The following DCLK1 variants were observed in gnomAD, a reference collection of about 807,000 sequenced individuals.
The protein encoded by DCLK1 is doublecortin like kinase 1.
Under a neutral mutation model 86.2 loss-of-function variants are expected in DCLK1, and 16 were observed. The ratio of observed to expected loss-of-function variants is 0.19; its 90% CI spans 0.13 to 0.28. The LOEUF (loss-of-function observed/expected upper bound fraction) is 0.28. Ranked by LOEUF, DCLK1 falls within the 10% of genes least tolerant of loss-of-function variation. The pLI, the probability that DCLK1 is intolerant of heterozygous loss-of-function variation, is 1.00. For synonymous variants in DCLK1, 369 were observed against 370.5 expected (o/e 1.00, Z 0.05); for missense variants, 590 against 940.2 (o/e 0.63, Z 4.87).
intron 6 of DCLK1, among the ~76,000 whole-genome samples, chr13:35,845,441 A>T (rs1374758205): frequency 6.6e-6 from 1 of 152,232 alleles, no homozygotes; most frequent in Non-Finnish European, 1.5e-5. Context: ...TAAAAGAAAT[A>T]GCTTGTATAA....
intron 3 of DCLK1, among the ~76,000 whole-genome samples, chr13:36,056,166 C>T (rs1293278949): frequency 8.0e-6 from 1 of 125,516 alleles, no homozygotes; most frequent in Non-Finnish European, 1.7e-5. Flanking sequence ...CACATGCACA[C>T]GTATGTTTAT....
chr13:35,872,922 C>A (rs898422378), intron 4 of DCLK1, among the ~76,000 whole-genome samples: 2 of 152,100 alleles, frequency 1.3e-5, no homozygotes, highest in Non-Finnish European at 2.9e-5. Flanking sequence ...ATATTATAAT[C>A]ATCTTTCTTG....
chr13:35,889,773 T>G (rs1873524826), intron 4 of DCLK1, among the ~76,000 whole-genome samples: 1 of 152,124 alleles, frequency 6.6e-6, no homozygotes, highest in Non-Finnish European at 1.5e-5. Flanking sequence ...GATTACTGCT[T>G]TCTCCCAAAT....
In DCLK1 at chr13:35,818,055, G is replaced by A. The variant is rs149307347; in HGVS notation, c.1554+4674C>T. On this transcript the variant is annotated intron_variant, in intron 11 of 16. Transcript: ENST00000360631. ...AATTCATCTTCATTTGAAGTCACTG[G>A]TAATGATGAATAGGGCAGGATTGGG... is the stretch of plus-strand genomic sequence containing the variant. Among the ~76,000 whole-genome samples, 829 of 152,252 alleles carry A rather than the reference G, an allele frequency of 5.4e-3. 3 individuals carry two copies. Among genetic ancestry groups the A allele is most frequent in the Middle Eastern group, 0.01 (3 of 294 alleles).
chr13:35,813,500 T>C (rs2087195410), intron 11 of DCLK1, among the ~76,000 whole-genome samples: 1 of 152,088 alleles, frequency 6.6e-6, no homozygotes, highest in East Asian at 1.9e-4. Flanking sequence ...CATAGACCAA[T>C]TATATTTAAT....
At chr13:35,850,768 G>T in intron 6 of DCLK1, 1 of 1,597,026 alleles carries the variant, frequency 6.3e-7, no homozygotes, top group Non-Finnish European at 8.5e-7. Flanking sequence ...AGAGGGGGCG[G>T]TACAGGTCCT....
In DCLK1 at chr13:35,784,153, A is replaced by G. The variant is rs778352810; in HGVS notation, c.2058+9213T>C. On this transcript the variant is annotated intron_variant, in intron 16 of 16. Coordinates refer to ENST00000360631, the MANE Select transcript of DCLK1 (RefSeq NM_001330071.2). ...GTTTACTTTTAAGTCAAAATGAGGGAAAGAGATTCTGAGGCAAGGGCAGAA... is the reference window on the plus strand; with the variant it reads ...GTTTACTTTTAAGTCAAAATGAGGGGAAGAGATTCTGAGGCAAGGGCAGAA... Among the ~76,000 whole-genome samples, 259 of 152,308 alleles carry G rather than the reference A, an allele frequency of 1.7e-3. 3 individuals carry two copies. The highest frequency in any genetic ancestry group is 1.2e-3 in the Non-Finnish European group (81 of 68,020).
intron 3 of DCLK1, among the ~76,000 whole-genome samples, chr13:36,075,040 G>GA (rs1162803502): frequency 1.3e-5 from 2 of 152,176 alleles, no homozygotes; most frequent in African/African-American, 2.4e-5. Context: ...TTTAAGGGGG[G>GA]AAAAACCCAA....
chr13:35,780,566 G>C lies in DCLK1; in HGVS notation c.2059-5867C>G, dbSNP rs929930014. On this transcript the variant is annotated intron_variant, in intron 16 of 16. Transcript: ENST00000360631. ...ATATGTGCACAATAGTGACTGCCAT[G>C]CTGGGTACTGGGTGAGAGCTGAGTA... Among the ~76,000 whole-genome samples the C allele has an allele frequency of 7.2e-5, 11 of 152,330 alleles. No homozygotes were observed. In the South Asian group the frequency reaches 2.1e-3, roughly 29 times the overall value.
At chr13:36,065,321 A>C (rs1883708561) in intron 3 of DCLK1, among the ~76,000 whole-genome samples, 3 of 152,350 alleles carry the variant, frequency 2.0e-5, no homozygotes, top group Non-Finnish European at 4.4e-5. Flanking sequence ...GGCACAGAAT[A>C]AGGACTCTGT....
chr13:35,875,941 G>C (rs1872564492), intron 4 of DCLK1, among the ~76,000 whole-genome samples: 1 of 152,116 alleles, frequency 6.6e-6, no homozygotes, highest in East Asian at 1.9e-4. Flanking sequence ...TGGGTTGGTG[G>C]CTTCCTCACT....
At chr13:35,849,027 A>G (rs2153109604) in intron 6 of DCLK1, 10 of 985,332 alleles carry the variant, frequency 1.0e-5, no homozygotes, top group Non-Finnish European at 1.2e-5. Flanking sequence ...TCAAGATGGA[A>G]TGTTTCAGTT....
At chr13:35,951,901 T>A (rs149859008) in intron 3 of DCLK1, among the ~76,000 whole-genome samples, 83 of 152,270 alleles carry the variant, frequency 5.5e-4, no homozygotes, top group African/African-American at 1.9e-3. Flanking sequence ...AAAGGCAGTG[T>A]CTCGCGTTAG....
At chr13:35,834,439 A>G (rs528726075) in intron 8 of DCLK1, among the ~76,000 whole-genome samples, 7 of 152,316 alleles carry the variant, frequency 4.6e-5, no homozygotes, top group African/African-American at 1.7e-4. Flanking sequence ...GCTCGGACCT[A>G]TGTCTTGCTA....
intron 10 of DCLK1, among the ~76,000 whole-genome samples, chr13:35,827,056 G>A (rs1022365391): frequency 5.9e-5 from 9 of 152,176 alleles, no homozygotes; most frequent in African/African-American, 1.4e-4. Context: ...CCATTCAACC[G>A]TCATCAACAA....
At chr13:35,927,407 T>C (rs952378089) in intron 4 of DCLK1, among the ~76,000 whole-genome samples, 6 of 152,218 alleles carry the variant, frequency 3.9e-5, no homozygotes, top group African/African-American at 1.4e-4. Flanking sequence ...GTGATCAGCC[T>C]CCCTGTCCTG....
chr13:35,809,131 AG>A, intron 12 of DCLK1, 36 bp from the exon 13 acceptor site: 3 of 1,552,416 alleles, frequency 1.9e-6, no homozygotes, highest in Non-Finnish European at 1.8e-6. Flanking sequence ...TAGGAGGGTC[AG>A]GCTCGGACAA....
At chr13:36,023,901 CTT>C (rs59071937) in intron 3 of DCLK1, among the ~76,000 whole-genome samples, 3 of 128,522 alleles carry the variant, frequency 2.3e-5, no homozygotes, top group Admixed American at 8.4e-5. Flanking sequence ...TTCTTTCTTT[CTT>C]TTTTTTTTTT....
At chr13:35,963,390 T>G (rs1404296005) in intron 3 of DCLK1, among the ~76,000 whole-genome samples, 1 of 152,150 alleles carries the variant, frequency 6.6e-6, no homozygotes, top group Non-Finnish European at 1.5e-5. Flanking sequence ...ACACTCTTAT[T>G]GAATGTTTTG....
Sources: gnomAD v4.1 joint callset for allele counts (sites outside exome capture counted in the v4.1 genomes callset) on GRCh38, gnomAD v4.1.1 for gene constraint, MANE v1.5 for transcripts, NCBI Gene and HGNC (gene_info 2026-07-23, HGNC 2026-07-21) for gene names.